TNFRSF1B: variants seen among roughly 807,000 people sequenced by gnomAD.
The protein encoded by TNFRSF1B is tumor necrosis factor receptor superfamily member 1B.
A neutral mutation model predicts 44.6 loss-of-function variants in TNFRSF1B; 19 were observed. The observed-to-expected ratio is 0.43, with a 90% confidence interval of 0.30 to 0.62. The LOEUF (loss-of-function observed/expected upper bound fraction) is 0.62. TNFRSF1B is among the 20% of genes least tolerant of loss of function. The probability of loss-of-function intolerance (pLI) is 0.16; values close to 1 mark genes in which losing one functional copy is unlikely to be tolerated. For synonymous variants in TNFRSF1B, 252 were observed against 261.1 expected (o/e 0.97, Z 0.34); for missense variants, 541 against 619.9 (o/e 0.87, Z 1.35).
At chr1:12,201,070 T>C (rs891399074) in intron 8 of TNFRSF1B, among the ~76,000 whole-genome samples, 3 of 151,896 alleles carry the variant, frequency 2.0e-5, no homozygotes, top group African/African-American at 7.3e-5. Context: ...CTGGGTAACA[T>C]AGCACAACCC....
intron 2 of TNFRSF1B, among the ~76,000 whole-genome samples, chr1:12,189,870 A>G (rs1639073378): frequency 6.6e-6 from 1 of 152,216 alleles, no homozygotes; most frequent in African/African-American, 2.4e-5. Context: ...CAGGTCATGC[A>G]TGTATACAGG....
chr1:12,181,901 C>A (rs1638817090), intron 1 of TNFRSF1B, among the ~76,000 whole-genome samples: 1 of 152,222 alleles, frequency 6.6e-6, no homozygotes, highest in Non-Finnish European at 1.5e-5. Flanking sequence ...TGGTGAGGGA[C>A]TGAGCCTTCG....
rs1026928962 is a variant in TNFRSF1B at position 12,180,019 on chromosome 1, G to T, written c.79-8777G>T. ...TTCTCCCTGTGGCCACCTCCCCACC[G>T]CATCATCTTCCGTTCTCAGCGGGTA... On this transcript the variant is annotated intron_variant, in intron 1 of 9. Coordinates refer to ENST00000376259, the MANE Select transcript of TNFRSF1B (RefSeq NM_001066.3). The surrounding 1 kb of genome is among the most constrained non-coding windows in gnomAD (Gnocchi z 4.3). 6.6e-6 allele frequency among the ~76,000 whole-genome samples: 1 copy of T among 152,042 alleles called. No individual in the cohort carries two copies. The highest frequency in any genetic ancestry group is 2.0e-4 in the East Asian group (1 of 5,124).
chr1:12,194,536 T>C (rs368781095), intron 7 of TNFRSF1B, 48 bp from the exon 8 acceptor site: 16 of 1,612,536 alleles, frequency 9.9e-6, no homozygotes, highest in Middle Eastern at 1.6e-4. Context: ...TTAGGACAGA[T>C]GTGCCTGAGG....
In TNFRSF1B at chr1:12,177,699, C is replaced by T. The variant is rs1485562219; in HGVS notation, c.78+10530C>T. Reference sequence around the variant, plus strand: ...AGCCTGGCTACTCAGGAGACTGAGGCAGGAGAATCGCTTGAACCTGGGAGG... The same window carrying T: ...AGCCTGGCTACTCAGGAGACTGAGGTAGGAGAATCGCTTGAACCTGGGAGG... On this transcript the variant is annotated intron_variant, in intron 1 of 9. Coordinates refer to ENST00000376259, the MANE Select transcript of TNFRSF1B (RefSeq NM_001066.3). The surrounding 1 kb of genome is among the most constrained non-coding windows in gnomAD (Gnocchi z 4.3). Among the ~76,000 whole-genome samples the T allele has an allele frequency of 6.6e-6, 1 of 151,374 alleles. No homozygotes were observed. Among genetic ancestry groups the T allele is most frequent in the African/African-American group, 2.4e-5 (1 of 41,130 alleles).
rs616645 is a variant in TNFRSF1B, at chr1:12,180,767, T to G, written c.79-8029T>G. 0.21 allele frequency among the ~76,000 whole-genome samples: 32,197 copies of G among 152,132 alleles called. 3,538 individuals carry two copies. Among genetic ancestry groups the G allele is most frequent in the African/African-American group, 0.25 (10,286 of 41,506 alleles). On this transcript the variant is annotated intron_variant, in intron 1 of 9. Coordinates refer to ENST00000376259, the MANE Select transcript of TNFRSF1B (RefSeq NM_001066.3). The surrounding 1 kb of genome is among the most constrained non-coding windows in gnomAD (Gnocchi z 4.3). ...AGCCTTACTCTTCCAGCGGGGTCTTTTCTTCCTGGAGCTCGGCCCTCGGCA... is the reference window on the plus strand; with the variant it reads ...AGCCTTACTCTTCCAGCGGGGTCTTGTCTTCCTGGAGCTCGGCCCTCGGCA...
intron 1 of TNFRSF1B, among the ~76,000 whole-genome samples, chr1:12,184,263 C>G (rs1205214442): frequency 6.6e-6 from 1 of 152,178 alleles, no homozygotes; most frequent in African/African-American, 2.4e-5. Flanking sequence ...CTGGGGACTG[C>G]TGCTGTGGAG....
chr1:12,181,776 A>G (rs1453142096), intron 1 of TNFRSF1B, among the ~76,000 whole-genome samples: 1 of 152,150 alleles, frequency 6.6e-6, no homozygotes, highest in Non-Finnish European at 1.5e-5. Flanking sequence ...TGCTCTCTCC[A>G]GAGGCCCAGG....
intron 1 of TNFRSF1B, among the ~76,000 whole-genome samples, chr1:12,185,101 A>G (rs1638952118): frequency 6.7e-6 from 1 of 148,870 alleles, no homozygotes; most frequent in Non-Finnish European, 1.5e-5. Flanking sequence ...TGCCGCAGTT[A>G]GTATTCGATG....
intron 4 of TNFRSF1B, 158 bp from the exon 5 acceptor site, chr1:12,192,273 C>A (rs1315550538): frequency 2.9e-6 from 2 of 697,760 alleles, no homozygotes; most frequent in African/African-American, 1.9e-5. Flanking sequence ...TGTGTACAGG[C>A]ATCTGTGTGT....
chr1:12,198,328 T>A (rs1639314347), intron 8 of TNFRSF1B, among the ~76,000 whole-genome samples: 2 of 152,150 alleles, frequency 1.3e-5, no homozygotes, highest in South Asian at 4.1e-4. Context: ...CCCCATTATA[T>A]GGCCCAAGAA....
intron 1 of TNFRSF1B, 114 bp downstream of exon 1, chr1:12,167,283 G>A: frequency 1.2e-6 from 1 of 810,492 alleles, no homozygotes; most frequent in Non-Finnish European, 1.7e-6. Flanking sequence ...CGGGCTGGGA[G>A]GCTGGGAGTC....
intron 3 of TNFRSF1B, among the ~76,000 whole-genome samples, chr1:12,191,449 G>A (rs1027767432): frequency 3.3e-5 from 5 of 151,936 alleles, no homozygotes; most frequent in African/African-American, 1.2e-4. Flanking sequence ...GGCACTGCGG[G>A]GAGGAGCAGG....
At chr1:12,188,926 C>T (rs1244426825) in intron 2 of TNFRSF1B, 31 bp downstream of exon 2, 2 of 1,600,528 alleles carry the variant, frequency 1.2e-6, no homozygotes, top group African/African-American at 1.3e-5. Flanking sequence ...ACTCGGGGCC[C>T]ATGCCCTGGA....
At chr1:12,184,919 G>C (rs531439417) in intron 1 of TNFRSF1B, among the ~76,000 whole-genome samples, 16 of 152,312 alleles carry the variant, frequency 1.1e-4, no homozygotes, top group African/African-American at 3.8e-4. Flanking sequence ...TGCCAGGGAA[G>C]AGGTGCAGCC....
chr1:12,174,217 T>TCTC (rs746516818), intron 1 of TNFRSF1B, among the ~76,000 whole-genome samples: 9 of 141,590 alleles, frequency 6.4e-5, no homozygotes, highest in African/African-American at 2.5e-4. Flanking sequence ...TCCTTCTCCT[T>TCTC]CTCCTTCTCC....
chr1:12,184,405 A>T (rs1312174690), intron 1 of TNFRSF1B, among the ~76,000 whole-genome samples: 1 of 148,098 alleles, frequency 6.8e-6, no homozygotes, highest in Non-Finnish European at 1.5e-5. Flanking sequence ...AAGGGAGCCG[A>T]CCCCCTCTGC....
At chr1:12,179,430 C>T (rs1242836994) in intron 1 of TNFRSF1B, among the ~76,000 whole-genome samples, 1 of 152,212 alleles carries the variant, frequency 6.6e-6, no homozygotes, top group African/African-American at 2.4e-5. Context: ...TCCCACCACG[C>T]CCTAGGGGCC....
Position 12,199,630 on chromosome 1 carries a change from G to C in TNFRSF1B, c.901-2337G>C, listed in dbSNP as rs1639344370. On this transcript the variant is annotated intron_variant, in intron 8 of 9. Transcript: ENST00000376259. This position sits in a 1 kb window ranked among gnomAD's most constrained non-coding sequence, Gnocchi z 4.0. Reference sequence around the variant, plus strand: ...CAGGGATTGGACAGAGAGGACCCTGGTACTCGCATCTGTTCTCAGACCACA... The same window carrying C: ...CAGGGATTGGACAGAGAGGACCCTGCTACTCGCATCTGTTCTCAGACCACA... 6.6e-6 allele frequency among the ~76,000 whole-genome samples: 1 copy of C among 152,150 alleles called. No homozygotes were observed. Among genetic ancestry groups the C allele is most frequent in the African/African-American group, 2.4e-5 (1 of 41,440 alleles).
Sources: gnomAD v4.1 joint callset for allele counts (sites outside exome capture counted in the v4.1 genomes callset) on GRCh38, gnomAD v4.1.1 for gene constraint, Gnocchi (gnomAD v3.1) non-coding constraint, MANE v1.5 for transcripts, NCBI Gene and HGNC (gene_info 2026-07-23, HGNC 2026-07-21) for gene names.